Variants in VTI1A observed in about 807,000 individuals in gnomAD.
VTI1A encodes the protein vesicle transport through interaction with t-SNAREs homolog 1A.
In VTI1A, 22 loss-of-function variants were observed where a neutral mutation model predicts 34.9. The observed-to-expected ratio is 0.63, with a 90% CI of 0.45 to 0.90. The LOEUF (loss-of-function observed/expected upper bound fraction) is 0.90. Among genes scored for constraint, VTI1A ranks in the 40% least tolerant of loss-of-function variants. VTI1A has a pLI of 0.00. For synonymous variants in VTI1A, 87 were observed against 97.3 expected, an observed-to-expected ratio of 0.89 and a Z score of 0.62; for missense variants, 268 against 275.6, an observed-to-expected ratio of 0.97 and a Z score of 0.20.
At chr10:112,673,020 A>T (rs558797125) in intron 7 of VTI1A, among the ~76,000 whole-genome samples, 8 of 152,010 alleles carry the variant, frequency 5.3e-5, no homozygotes, top group African/African-American at 1.4e-4. Context: ...AAGTGCTTAT[A>T]AAAAAAATGG....
intron 5 of VTI1A, among the ~76,000 whole-genome samples, chr10:112,565,261 C>T (rs1851870961): frequency 6.6e-6 from 1 of 152,076 alleles, no homozygotes; most frequent in South Asian, 2.1e-4. Flanking sequence ...CAGGGAAAAA[C>T]TATTTTAAAG....
rs184441727 is a variant in VTI1A, at chr10:112,807,785, G to A, written c.561-7505G>A. ...GGAGAATCACTTGAACCTGGGAGGC[G>A]GAGATTGCAGTGAGCCAAGATTGCA... is the stretch of plus-strand genomic sequence containing the variant. On this transcript the variant is annotated intron_variant, in intron 7 of 7. Coordinates refer to ENST00000393077, the MANE Select transcript of VTI1A (RefSeq NM_145206.4). Among the ~76,000 whole-genome samples, 884 of 151,960 alleles carry A rather than the reference G, an allele frequency of 5.8e-3. 5 individuals carry two copies. Among genetic ancestry groups the A allele is most frequent in the Non-Finnish European group, 7.2e-3 (490 of 67,964 alleles).
chr10:112,597,020 A>G (rs947969836), intron 5 of VTI1A, among the ~76,000 whole-genome samples: 1 of 152,312 alleles, frequency 6.6e-6, no homozygotes, highest in East Asian at 1.9e-4. Context: ...CCATAAGATC[A>G]GAAGAAGCTT....
chr10:112,514,215 A>G (rs1253303928), intron 3 of VTI1A, among the ~76,000 whole-genome samples: 2 of 151,896 alleles, frequency 1.3e-5, no homozygotes, highest in Admixed American at 6.6e-5. Flanking sequence ...TGGATTTTCT[A>G]TTCCTTCCTA....
At chr10:112,719,170 ACT>A in intron 7 of VTI1A, among the ~76,000 whole-genome samples, 1 of 152,348 alleles carries the variant, frequency 6.6e-6, no homozygotes, top group African/African-American at 2.4e-5. Flanking sequence ...ATTTTACATC[ACT>A]GAGTCGATCC....
chr10:112,641,197 C>T (rs967395940), intron 5 of VTI1A, among the ~76,000 whole-genome samples: 54 of 152,084 alleles, frequency 3.6e-4, no homozygotes, highest in Admixed American at 2.9e-3. Context: ...CAGTTGGGCA[C>T]TTCAGGCTTT....
rs537523280 is a variant in VTI1A at position 112,626,216 on chromosome 10, G to A, written c.428-42002G>A. Among the ~76,000 whole-genome samples the A allele has an allele frequency of 2.6e-5, 4 of 152,172 alleles. No individual in the cohort carries two copies. In the South Asian group the frequency reaches 6.2e-4, roughly 24 times the overall value. ...CACAGAGAGGTAAAAGCCCCCTTCCGGAGGTCACATAACAGTAGAAATCTG... is the reference window on the plus strand; with the variant it reads ...CACAGAGAGGTAAAAGCCCCCTTCCAGAGGTCACATAACAGTAGAAATCTG... On this transcript the variant is annotated intron_variant, in intron 5 of 7. Transcript: ENST00000393077.
At chr10:112,804,994 G>C (rs922016538) in intron 7 of VTI1A, among the ~76,000 whole-genome samples, 1 of 151,406 alleles carries the variant, frequency 6.6e-6, no homozygotes, top group Non-Finnish European at 1.5e-5. Context: ...CAGAGTAGCT[G>C]GGGCTAAAGG....
intron 7 of VTI1A, among the ~76,000 whole-genome samples, chr10:112,746,539 C>G (rs1850903623): frequency 6.6e-6 from 1 of 152,204 alleles, no homozygotes; most frequent in South Asian, 2.1e-4. Context: ...AAGTGTCTTG[C>G]AAGGCCACTT....
intron 5 of VTI1A, among the ~76,000 whole-genome samples, chr10:112,630,999 G>A (rs1053991429): frequency 9.2e-5 from 14 of 152,234 alleles, no homozygotes; most frequent in Admixed American, 5.2e-4. Context: ...GCATGCACCT[G>A]TAATCCCAGC....
intron 7 of VTI1A, among the ~76,000 whole-genome samples, chr10:112,772,740 G>A (rs557411666): frequency 1.3e-5 from 2 of 152,284 alleles, no homozygotes; most frequent in South Asian, 2.1e-4. Flanking sequence ...GGTTCCAACT[G>A]TCTTCTTTTG....
At position 112,663,252 on chromosome 10, in the gene VTI1A, A is replaced by G. The variant is rs116921427; in HGVS notation, c.428-4966A>G. Among the ~76,000 whole-genome samples the G allele has an allele frequency of 5.4e-3, 827 of 152,308 alleles. 2 individuals are homozygous for G. The highest frequency in any genetic ancestry group is 9.4e-3 in the Non-Finnish European group (636 of 68,014). On this transcript the variant is annotated intron_variant, in intron 5 of 7. Coordinates refer to ENST00000393077, the MANE Select transcript of VTI1A (RefSeq NM_145206.4). Reference sequence around the variant, plus strand: ...TGTTTGACTGATTTCTCTCATCCCTATAAATCCTATCTATGGCAGGCTCAT... The same window carrying G: ...TGTTTGACTGATTTCTCTCATCCCTGTAAATCCTATCTATGGCAGGCTCAT...
chr10:112,613,446 G>C (rs1845396786), intron 5 of VTI1A, among the ~76,000 whole-genome samples: 1 of 152,104 alleles, frequency 6.6e-6, no homozygotes, highest in Admixed American at 6.5e-5. Context: ...AAAACACTGA[G>C]GTACTTCCTA....
rs58004822 is a variant in VTI1A, at chr10:112,770,562, A to ATT, written c.561-44714_561-44713dup. 1.8e-3 allele frequency among the ~76,000 whole-genome samples: 251 copies of ATT among 139,796 alleles called. 1 individual carries two copies. The highest frequency in any genetic ancestry group is 0.011 in the South Asian group (47 of 4,256). 91.7% of individuals were successfully genotyped at this position (139,796 alleles called of 152,430 possible). A position where few individuals can be genotyped will look rare whatever the true frequency, so the allele number is the denominator to read the frequency against. ...AGGCGCCTGTCACCACGCCCGGCTA[A>ATT]TTTTTTTTTTTTTTTATGTATTTTT... is the stretch of plus-strand genomic sequence containing the variant. On this transcript the variant is annotated intron_variant, in intron 7 of 7. Transcript: ENST00000393077.
At position 112,597,986 on chromosome 10, in the gene VTI1A, C is replaced by T. The variant is rs548692066; in HGVS notation, c.427+59656C>T. On this transcript the variant is annotated intron_variant, in intron 5 of 7. Coordinates refer to ENST00000393077, the MANE Select transcript of VTI1A (RefSeq NM_145206.4). ...TGCTGGGATTACAGGCATGAGCCAC[C>T]GCGCCCGGCCAAGAGACCTTGTCTC... Among the ~76,000 whole-genome samples the T allele has an allele frequency of 2.6e-4, 39 of 152,134 alleles. No individual in the cohort carries two copies. In the East Asian group the frequency reaches 5.4e-3, roughly 21 times the overall value.
At chr10:112,729,369 A>G (rs1850165286) in intron 7 of VTI1A, among the ~76,000 whole-genome samples, 1 of 152,226 alleles carries the variant, frequency 6.6e-6, no homozygotes, top group Non-Finnish European at 1.5e-5. Flanking sequence ...TCATAGCCCT[A>G]AACAACTTTT....
intron 7 of VTI1A, among the ~76,000 whole-genome samples, chr10:112,721,933 G>A (rs1202102103): frequency 3.3e-5 from 5 of 152,116 alleles, no homozygotes; most frequent in Non-Finnish European, 7.4e-5. Flanking sequence ...TGGGGGAGGT[G>A]GGGAGTGTGT....
intron 7 of VTI1A, among the ~76,000 whole-genome samples, chr10:112,725,021 T>TA (rs1302391386): frequency 1.3e-5 from 2 of 152,218 alleles, no homozygotes; most frequent in Non-Finnish European, 2.9e-5. Flanking sequence ...CTCTAGAACA[T>TA]ACAGCATAAC....
At chr10:112,656,493 G>GAATAC (rs1220402826) in intron 5 of VTI1A, among the ~76,000 whole-genome samples, 2 of 145,964 alleles carry the variant, frequency 1.4e-5, no homozygotes, top group Non-Finnish European at 3.0e-5. Flanking sequence ...GAGTAACTGG[G>GAATAC]AATACAGGAG....
Sources: allele counts gnomAD v4.1 joint callset (sites outside exome capture counted in the v4.1 genomes callset), GRCh38; gene constraint gnomAD v4.1.1; transcripts MANE v1.5; gene names NCBI Gene and HGNC (gene_info 2026-07-23, HGNC 2026-07-21).